RANBP2: variants seen among roughly 807,000 people sequenced by gnomAD.
RANBP2 encodes E3 SUMO-protein ligase RanBP2.
RANBP2 carries 57 observed loss-of-function variants against 303.6 expected under a neutral mutation model. The observed-to-expected ratio is 0.19, with a 90% confidence interval of 0.15 to 0.23. The LOEUF (loss-of-function observed/expected upper bound fraction) is 0.23, where lower values mean the gene tolerates loss of function less well. Ranked by LOEUF, RANBP2 falls within the 10% of genes least tolerant of loss-of-function variation. The pLI, the probability that RANBP2 is intolerant of heterozygous loss-of-function variation, is 1.00. For missense variants in RANBP2, 3,138 were observed against 3,780.8 expected, an observed-to-expected ratio of 0.83 and a Z score of 4.46; for synonymous variants, 1,167 against 1,301.5, an observed-to-expected ratio of 0.90 and a Z score of 2.23.
At chr2:109,347,704 C>G in the RANBP2 span, 1 of 1,613,824 alleles carries the variant, frequency 6.2e-7, no homozygotes, top group South Asian at 1.1e-5. Flanking sequence ...TGGCAAGGCC[C>G]TCTACAGCTA....
At chr2:109,235,605 C>T in the RANBP2 span, among the ~76,000 whole-genome samples, 1 of 152,272 alleles carries the variant, frequency 6.6e-6, no homozygotes, top group East Asian at 1.9e-4. Flanking sequence ...GCATGGGCCT[C>T]GAAGGCTGTT....
the RANBP2 span, among the ~76,000 whole-genome samples, chr2:109,142,044 G>C: frequency 4.6e-5 from 2 of 43,052 alleles, no homozygotes; most frequent in Admixed American, 1.8e-4. Flanking sequence ...TGAGTCTCCT[G>C]GGGGGGGGGT....
At chr2:109,246,326 C>T in the RANBP2 span, among the ~76,000 whole-genome samples, 8 of 152,194 alleles carry the variant, frequency 5.3e-5, no homozygotes, top group African/African-American at 1.2e-4. Context: ...GGTTCACAGA[C>T]GGTGCCTTCT....
the RANBP2 span, among the ~76,000 whole-genome samples, chr2:109,377,156 T>C: frequency 2.0e-5 from 3 of 152,224 alleles, no homozygotes; most frequent in Admixed American, 1.3e-4. Context: ...CCATTGATTG[T>C]CTGTTTCTAA....
At chr2:108,738,147 C>T (rs1005352584) in intron 6 of RANBP2, among the ~76,000 whole-genome samples, 7 of 152,088 alleles carry the variant, frequency 4.6e-5, no homozygotes, top group African/African-American at 1.7e-4. Context: ...GCCATCTCGG[C>T]TCACTGCAAG....
the RANBP2 span, among the ~76,000 whole-genome samples, chr2:109,068,316 C>T: frequency 6.6e-6 from 1 of 152,172 alleles, no homozygotes; most frequent in Non-Finnish European, 1.5e-5. Flanking sequence ...CCAGTGGGCA[C>T]AGGCAGGAGT....
the RANBP2 span, among the ~76,000 whole-genome samples, chr2:109,095,373 T>C: frequency 6.6e-6 from 1 of 152,144 alleles, no homozygotes; most frequent in Non-Finnish European, 1.5e-5. Context: ...GAATGTGTTT[T>C]TGGTAAAAGA....
At chr2:109,131,553 T>G in the RANBP2 span, among the ~76,000 whole-genome samples, 1 of 152,228 alleles carries the variant, frequency 6.6e-6, no homozygotes, top group Non-Finnish European at 1.5e-5. Context: ...GATGACCATC[T>G]GTTTACAGAT....
chr2:109,056,570 ACCTCTG>A, the RANBP2 span, among the ~76,000 whole-genome samples: 961 of 152,234 alleles, frequency 6.3e-3, 3 homozygotes, highest in Non-Finnish European at 0.01. Context: ...CTCTTCTACT[ACCTCTG>A]CAGCCAAATT....
chr2:109,173,035 C>A, the RANBP2 span, among the ~76,000 whole-genome samples: 1 of 152,282 alleles, frequency 6.6e-6, no homozygotes, highest in South Asian at 2.1e-4. Flanking sequence ...GTTGGTCATC[C>A]CTGGGTGGTG....
At chr2:108,814,426 T>G in the RANBP2 span, among the ~76,000 whole-genome samples, 2 of 152,130 alleles carry the variant, frequency 1.3e-5, no homozygotes, top group East Asian at 1.9e-4. Context: ...AGACTTTATA[T>G]TCAGGGACTG....
the RANBP2 span, chr2:108,929,530 C>T: frequency 2.5e-6 from 2 of 813,672 alleles, no homozygotes; most frequent in Non-Finnish European, 4.1e-6. Context: ...AACTGCAAAA[C>T]CCCCCAGGAA....
chr2:109,597,130 G>A, the RANBP2 span, among the ~76,000 whole-genome samples: 4 of 151,906 alleles, frequency 2.6e-5, no homozygotes, highest in Middle Eastern at 3.2e-3. Context: ...TTGTAGAGAC[G>A]AGATCTCACT....
chr2:109,680,940 C>A, the RANBP2 span, among the ~76,000 whole-genome samples: 3 of 152,094 alleles, frequency 2.0e-5, no homozygotes, highest in Admixed American at 1.3e-4. Context: ...AAACATTCAC[C>A]CACACTGTGA....
At chr2:109,646,578 G>A in the RANBP2 span, among the ~76,000 whole-genome samples, 1 of 151,362 alleles carries the variant, frequency 6.6e-6, no homozygotes, top group Non-Finnish European at 1.5e-5. Context: ...TGCAAACTCT[G>A]CCTTCTGGGT....
chr2:109,128,921 C>T, the RANBP2 span: 1 of 375,160 alleles, frequency 2.7e-6, no homozygotes, highest in East Asian at 1.1e-4. Context: ...GGAAGTCCTG[C>T]AGGCACGGCG....
At chr2:108,994,644 T>C in the RANBP2 span, among the ~76,000 whole-genome samples, 1 of 152,038 alleles carries the variant, frequency 6.6e-6, no homozygotes, top group East Asian at 1.9e-4. Flanking sequence ...ATCCTTCCAA[T>C]AGGCAAGTAC....
chr2:109,224,980 C>G, the RANBP2 span, among the ~76,000 whole-genome samples: 1 of 152,080 alleles, frequency 6.6e-6, no homozygotes, highest in East Asian at 1.9e-4. Flanking sequence ...TTTTAAAAAT[C>G]TTATTTTAAA....
At chr2:109,398,485 G>A in the RANBP2 span, 3 of 989,186 alleles carry the variant, frequency 3.0e-6, no homozygotes, top group Non-Finnish European at 2.9e-6. Context: ...GGATTTGAAT[G>A]CATTGCCAGT....
Sources: gnomAD v4.1 joint callset for allele counts (sites outside exome capture counted in the v4.1 genomes callset) on GRCh38, gnomAD v4.1.1 for gene constraint, MANE v1.5 for transcripts, NCBI Gene and HGNC (gene_info 2026-07-23, HGNC 2026-07-21) for gene names.